Variants in SCN7A observed in about 807,000 individuals in gnomAD.
SCN7A encodes the protein sodium voltage-gated channel alpha subunit 7.
SCN7A carries 138 observed loss-of-function variants against 155.2 expected under a neutral mutation model. That is an observed-to-expected ratio of 0.89 (90% CI 0.77 to 1.02). SCN7A has a LOEUF of 1.02. Ranked by LOEUF, SCN7A falls within the 50% of genes least tolerant of loss-of-function variation. The probability of loss-of-function intolerance (pLI) is 0.00; values close to 1 mark genes in which losing one functional copy is unlikely to be tolerated. For missense variants in SCN7A, 2,058 were observed against 1,986.6 expected (o/e 1.04, Z -0.68); for synonymous variants, 693 against 649.0 (o/e 1.07, Z -1.03).
intron 1 of SCN7A, among the ~76,000 whole-genome samples, chr2:166,489,997 T>TTA (rs1683048886): frequency 6.6e-6 from 1 of 151,944 alleles, no homozygotes; most frequent in South Asian, 2.1e-4. Context: ...TGATGTTATT[T>TTA]TATATATATA....
intron 15 of SCN7A, chr2:166,440,750 T>C (rs906452092): frequency 2.0e-5 from 3 of 152,176 alleles, no homozygotes; most frequent in African/African-American, 7.2e-5. Context: ...TTGTATTTAG[T>C]TAAATACAAA....
intron 25 of SCN7A, 84 bp downstream of exon 25, chr2:166,409,578 TGTA>T: frequency 9.7e-7 from 1 of 1,028,458 alleles, no homozygotes. Context: ...GATTTTGAAA[TGTA>T]GGAGACTATA....
At chr2:166,410,452 A>G (rs1425599781) in intron 23 of SCN7A, 128 bp from the exon 24 acceptor site, 1 of 614,336 alleles carries the variant, frequency 1.6e-6, no homozygotes, top group Non-Finnish European at 2.7e-6. Flanking sequence ...AGTGCAGTGA[A>G]TGAAATCATG....
chr2:166,478,073 C>T (rs1446990040), intron 2 of SCN7A, among the ~76,000 whole-genome samples: 1 of 151,832 alleles, frequency 6.6e-6, no homozygotes, highest in East Asian at 1.9e-4. Flanking sequence ...TAACAACTGA[C>T]TACACTTTTC....
chr2:166,428,215 A>C (rs1411436073), intron 17 of SCN7A, among the ~76,000 whole-genome samples: 1 of 152,070 alleles, frequency 6.6e-6, no homozygotes, highest in African/African-American at 2.4e-5. Context: ...CACTCTGCAA[A>C]ACAGTCTGAG....
Position 166,405,664 on chromosome 2 carries a change from A to G in SCN7A, c.4965T>C (p.Asp1655=). The change falls in exon 26 of 26, where the codon GAT becomes GAC. Residue 1655 remains aspartate, a synonymous_variant. Transcript: ENST00000643258. ...TAGTAGCATGAACATCTCTGTCACC[A>G]TCTATCATATGAATATCTGATGTAT... The part of the protein sequence containing the change: ...DKNTSDIHMI[D]GDRDVHATKE... 3 of 1,612,884 alleles carry G rather than the reference A, an allele frequency of 1.9e-6. No individual in the cohort carries two copies. Among genetic ancestry groups the G allele is most frequent in the Admixed American group, 1.7e-5 (1 of 59,898 alleles).
chr2:166,413,070 C>T lies in SCN7A; in HGVS notation c.3466G>A (p.Ala1156Thr), dbSNP rs980322467. 2.6e-6 allele frequency: 4 copies of T among 1,528,200 alleles called. No individual in the cohort carries two copies. The African/African-American group carries it at 4.2e-5, about 16-fold the overall frequency. 94.7% of individuals were successfully genotyped at this position (1,528,200 alleles called of 1,614,324 possible). A position where few individuals can be genotyped will look rare whatever the true frequency, so the allele number is the denominator to read the frequency against. The change falls in exon 22 of 26, where the codon GCT becomes ACT. Residue 1156 changes from alanine to threonine, a missense_variant and splice_region_variant. Physicochemically the swap from Ala to Thr is moderately conservative, Grantham distance 58. Coordinates refer to ENST00000643258, the MANE Select transcript of SCN7A (RefSeq NM_002976.4). ...CTTTAAAATGATATTATACTTACAG[C>T]AACAGAATCAATTGCTGAATTCATA... Reference protein sequence around the residue: ...TIMNSAIDSVAVNIQPHFEVN... With the variant: ...TIMNSAIDSVTVNIQPHFEVN...
At chr2:166,414,074 TG>T (rs1342268171) in intron 21 of SCN7A, among the ~76,000 whole-genome samples, 1 of 39,942 alleles carries the variant, frequency 2.5e-5, no homozygotes, top group Non-Finnish European at 5.9e-5. Context: ...ATATTATATA[TG>T]TAAATATATG....
chr2:166,412,683 A>G lies in SCN7A; in HGVS notation c.3469-16T>C. 1 of 1,477,780 alleles carries G rather than the reference A, an allele frequency of 6.8e-7. No homozygotes were observed. The highest frequency in any genetic ancestry group is 1.5e-5 in the African/African-American group (1 of 68,572). The allele number at this position is 1,477,780 out of a possible 1,614,324, so 91.5% of individuals were successfully genotyped here. ...GTATATTAACCTAGAAGTTTAAAAT[A>G]AGCAAATTATTGATATTGGCTTTTT... On this transcript the variant is annotated splice_polypyrimidine_tract_variant and intron_variant, in intron 22 of 25. Coordinates refer to ENST00000643258, the MANE Select transcript of SCN7A (RefSeq NM_002976.4).
chr2:166,471,715 C>A (rs546252686), intron 6 of SCN7A, among the ~76,000 whole-genome samples: 1 of 105,442 alleles, frequency 9.5e-6, no homozygotes, highest in Non-Finnish European at 2.1e-5. Flanking sequence ...ATGAAGCATT[C>A]CAGAAAATGT....
rs1434559339 is a variant in SCN7A, at chr2:166,462,378, T to G, written c.1083+11A>C. ...ATTCCTAAGTACAGTACAATTTCTC[T>G]CTGTTCTTACCTGGTGATAAAGTAC... On this transcript the variant is annotated intron_variant, in intron 10 of 25. Coordinates refer to ENST00000643258, the MANE Select transcript of SCN7A (RefSeq NM_002976.4). 1 of 1,578,224 alleles carries G rather than the reference T, an allele frequency of 6.3e-7. No homozygotes were observed. Among genetic ancestry groups the G allele is most frequent in the Non-Finnish European group, 8.6e-7 (1 of 1,160,710 alleles).
rs975619384 is a variant in SCN7A at position 166,404,546 on chromosome 2, T to C, written c.*1034A>G. On this transcript the variant is annotated 3_prime_UTR_variant, in exon 26 of 26. Coordinates refer to ENST00000643258, the MANE Select transcript of SCN7A (RefSeq NM_002976.4). ...TCTCTCTCTAAGTTATAAAGAATTA[T>C]AACATACAGTAAAAAGTACTTTAAA... The C allele has an allele frequency of 2.0e-5, 3 of 151,862 alleles. No homozygotes were observed. Among genetic ancestry groups the C allele is most frequent in the African/African-American group, 7.2e-5 (3 of 41,396 alleles). 9.4% of individuals were successfully genotyped at this position (151,862 alleles called of 1,614,324 possible). A position where few individuals can be genotyped will look rare whatever the true frequency, so the allele number is the denominator to read the frequency against.
At chr2:166,434,083 C>G (rs1701787596) in intron 15 of SCN7A, among the ~76,000 whole-genome samples, 1 of 152,092 alleles carries the variant, frequency 6.6e-6, no homozygotes, top group Admixed American at 6.6e-5. Context: ...TCCAAAGACT[C>G]ATATTTTGAA....
chr2:166,487,351 G>C (rs1703075972), intron 1 of SCN7A, among the ~76,000 whole-genome samples: 1 of 152,134 alleles, frequency 6.6e-6, no homozygotes, highest in African/African-American at 2.4e-5. Context: ...CATTTTCTTA[G>C]ATAATGAAGG....
chr2:166,457,722 C>T (rs1575044901), intron 10 of SCN7A, among the ~76,000 whole-genome samples: 1 of 152,120 alleles, frequency 6.6e-6, no homozygotes, highest in African/African-American at 2.4e-5. Flanking sequence ...CCAAACACAG[C>T]ACTGACTAGC....
intron 7 of SCN7A, among the ~76,000 whole-genome samples, chr2:166,467,819 C>G (rs1056539736): frequency 6.6e-6 from 1 of 151,640 alleles, no homozygotes; most frequent in African/African-American, 2.4e-5. Flanking sequence ...ATATTAAAGT[C>G]TCTGCCTTGA....
intron 7 of SCN7A, 117 bp downstream of exon 7, chr2:166,470,498 G>T: frequency 1.2e-6 from 1 of 835,706 alleles, no homozygotes; most frequent in South Asian, 2.3e-5. Context: ...TAACTCACTG[G>T]TTTCAAAGTG....
rs760638858 is a variant in SCN7A at position 166,406,532 on chromosome 2, A to C, written c.4097T>G (p.Phe1366Cys). The part of the protein sequence containing the change: ...MLRLGKGPKV[F>C]HNLMLPLMLS... ...CATCAAAGGAAGCATCAGATTATGA[A>C]ACACCTTTGGTCCTTTTCCAAGACG... The change falls in exon 26 of 26, where the codon TTT becomes TGT. Residue 1366 changes from phenylalanine (F) to cysteine (C), a missense_variant. By Grantham distance (205) the Phe-to-Cys change is radical. Transcript: ENST00000643258. 1 of 1,612,916 alleles carries C rather than the reference A, an allele frequency of 6.2e-7. No homozygotes were observed. Among genetic ancestry groups the C allele is most frequent in the South Asian group, 1.1e-5 (1 of 91,070 alleles).
intron 2 of SCN7A, among the ~76,000 whole-genome samples, chr2:166,478,698 T>C (rs889659653): frequency 6.6e-6 from 1 of 152,026 alleles, no homozygotes; most frequent in Non-Finnish European, 1.5e-5. Flanking sequence ...TTTCAATAAT[T>C]TTCTATGATT....
Sources: gnomAD v4.1 joint callset for allele counts (sites outside exome capture counted in the v4.1 genomes callset) on GRCh38, gnomAD v4.1.1 for gene constraint, MANE v1.5 for transcripts, NCBI Gene and HGNC (gene_info 2026-07-23, HGNC 2026-07-21) for gene names.